The following POLA1 variants were observed in gnomAD, a reference collection of about 807,000 sequenced individuals.
POLA1 encodes DNA polymerase alpha 1, catalytic subunit.
POLA1 carries 15 observed loss-of-function variants against 124.0 expected under a neutral mutation model. The observed-to-expected ratio is 0.12, with a 90% CI of 0.08 to 0.19. The LOEUF is 0.19. Ranked by LOEUF, POLA1 falls within the 10% of genes least tolerant of loss-of-function variation. The probability of loss-of-function intolerance (pLI) is 1.00; values close to 1 mark genes in which losing one functional copy is unlikely to be tolerated. For synonymous variants in POLA1, 408 were observed against 389.4 expected (o/e 1.05, Z -0.56); for missense variants, 886 against 1,103.4 (o/e 0.80, Z 2.79).
chrX:24,707,954 C>T (rs960336423), intron 4 of POLA1, among the ~76,000 whole-genome samples: 2 of 112,113 alleles, frequency 1.8e-5, no homozygotes, highest in African/African-American at 6.5e-5. Flanking sequence ...AAGATCGTGC[C>T]ACTGCACTCC....
At chrX:24,783,196 T>C (rs2148455372) in intron 26 of POLA1, among the ~76,000 whole-genome samples, 1 of 111,588 alleles carries the variant, frequency 9.0e-6, no homozygotes, top group African/African-American at 3.3e-5. Context: ...ATGGTTGTCA[T>C]ATTTTCAGTA....
chrX:24,946,567 G>C (rs977176983), intron 36 of POLA1, among the ~76,000 whole-genome samples: 3 of 111,669 alleles, frequency 2.7e-5, no homozygotes, highest in African/African-American at 9.8e-5. Flanking sequence ...CACATCCTTT[G>C]GCTGGTGTGG....
At chrX:24,730,794 T>A (rs746724588) in intron 15 of POLA1, among the ~76,000 whole-genome samples, 9 of 112,321 alleles carry the variant, frequency 8.0e-5, no homozygotes, top group African/African-American at 2.9e-4. Context: ...TTCATAATGA[T>A]ATTGTCTGCA....
chrX:24,731,214 A>G (rs1158615515), intron 15 of POLA1, among the ~76,000 whole-genome samples: 1 of 111,901 alleles, frequency 8.9e-6, no homozygotes, highest in Non-Finnish European at 1.9e-5. Context: ...AGACAGAAAA[A>G]CAAGTTAAGT....
intron 34 of POLA1, among the ~76,000 whole-genome samples, chrX:24,856,628 C>G (rs1032333037): frequency 9.0e-6 from 1 of 111,103 alleles, no homozygotes; most frequent in Non-Finnish European, 1.9e-5. Context: ...TATGAGAGTT[C>G]CATTTACTGG....
intron 26 of POLA1, among the ~76,000 whole-genome samples, chrX:24,756,421 G>A (rs887899400): frequency 3.9e-4 from 43 of 109,715 alleles, no homozygotes; most frequent in African/African-American, 1.4e-3. Context: ...AAATTAGCCG[G>A]GCGTGGTGGC....
At chrX:24,927,281 A>G (rs2047707942) in intron 35 of POLA1, among the ~76,000 whole-genome samples, 1 of 111,887 alleles carries the variant, frequency 8.9e-6, no homozygotes, top group Non-Finnish European at 1.9e-5. Context: ...GTCATAAAGT[A>G]CTTTGACTTG....
At position 24,748,749 on chromosome X, in the gene POLA1, TC is replaced by T. The variant is rs11573372; in HGVS notation, c.2842-120del. 876 of 736,346 alleles carry T rather than the reference TC, an allele frequency of 1.2e-3. 11 individuals are homozygous for T. In the African/African-American group the frequency reaches 0.017, roughly 15 times the overall value. 60.7% of individuals were successfully genotyped at this position (736,346 alleles called of 1,213,427 possible). On this transcript the variant is annotated intron_variant, in intron 25 of 36. Coordinates refer to ENST00000379068, the MANE Select transcript of POLA1 (RefSeq NM_001330360.2). Reference sequence around the variant, plus strand: ...AGGAGAATGGGTTGAGTATATTAATTCTTTTTTATTCAGGGATATTGAGGGT... The same window carrying T: ...AGGAGAATGGGTTGAGTATATTAATTTTTTTTATTCAGGGATATTGAGGGT...
chrX:24,988,001 G>A (rs1255192939), intron 36 of POLA1, among the ~76,000 whole-genome samples: 1 of 112,074 alleles, frequency 8.9e-6, no homozygotes, highest in African/African-American at 3.2e-5. Flanking sequence ...CCACAGCATA[G>A]GCTGTGAGAA....
At chrX:24,708,587 C>T (rs1928985404) in intron 4 of POLA1, among the ~76,000 whole-genome samples, 2 of 55,605 alleles carry the variant, frequency 3.6e-5, no homozygotes, top group Non-Finnish European at 6.6e-5. Flanking sequence ...GGTGATGACT[C>T]TTAACGAGCA....
intron 36 of POLA1, among the ~76,000 whole-genome samples, chrX:24,979,350 A>T (rs2048398024): frequency 8.9e-6 from 1 of 112,083 alleles, no homozygotes; most frequent in Non-Finnish European, 1.9e-5. Flanking sequence ...TCCAAGATCC[A>T]CTTAAGACAT....
At position 24,741,872 on chromosome X, in the gene POLA1, T is replaced by TA. The variant is rs1569291479; in HGVS notation, c.2347-130_2347-129insA. 7.2e-5 allele frequency: 34 copies of TA among 474,237 alleles called. No homozygotes were observed. In the African/African-American group the frequency reaches 7.2e-4, roughly 10 times the overall value. 39.1% of individuals were successfully genotyped at this position (474,237 alleles called of 1,213,427 possible). A position where few individuals can be genotyped will look rare whatever the true frequency, so the allele number is the denominator to read the frequency against. On this transcript the variant is annotated intron_variant, in intron 21 of 36. Coordinates refer to ENST00000379068, the MANE Select transcript of POLA1 (RefSeq NM_001330360.2). Reference sequence around the variant, plus strand: ...GAATAATTTAGTACCTTTTTTTTTTTTAAAAAAAAAGCAGACCGTTATTAG... The same window carrying TA: ...GAATAATTTAGTACCTTTTTTTTTTTATAAAAAAAAAGCAGACCGTTATTAG...
At chrX:24,905,926 C>T (rs191391826) in intron 35 of POLA1, among the ~76,000 whole-genome samples, 35 of 111,685 alleles carry the variant, frequency 3.1e-4, no homozygotes, top group African/African-American at 1.0e-3. Context: ...TGTAAATTAT[C>T]GGGGAAATGC....
chrX:24,884,419 G>A (rs2047040528), intron 34 of POLA1, among the ~76,000 whole-genome samples: 1 of 112,093 alleles, frequency 8.9e-6, no homozygotes. Flanking sequence ...AAAGTGCTGG[G>A]ATTACAGGCA....
rs749521302 is a variant in POLA1 at position 24,771,473 on chromosome X, C to T, written c.2964+22481C>T. ...TCAGTGCTTTTTTTCAGGGCAAAAA[C>T]AGCAGGGTCATCGAGTCATAACTCT... On this transcript the variant is annotated intron_variant, in intron 26 of 36. Transcript: ENST00000379068. Among the ~76,000 whole-genome samples the T allele has an allele frequency of 3.6e-4, 40 of 111,452 alleles. No homozygotes were observed. In the Admixed American group the frequency reaches 3.6e-3, roughly 10 times the overall value.
chrX:24,987,509 A>G (rs933052060), intron 36 of POLA1, among the ~76,000 whole-genome samples: 4 of 112,473 alleles, frequency 3.6e-5, no homozygotes, highest in African/African-American at 1.3e-4. Context: ...GTAGCAGGTT[A>G]TCCACAGATA....
intron 35 of POLA1, among the ~76,000 whole-genome samples, chrX:24,918,989 C>G (rs1221771134): frequency 8.9e-6 from 1 of 111,873 alleles, no homozygotes; most frequent in Non-Finnish European, 1.9e-5. Flanking sequence ...TAGGTCCTTC[C>G]TCCAACATTG....
intron 35 of POLA1, among the ~76,000 whole-genome samples, chrX:24,913,143 G>T (rs915771740): frequency 2.7e-5 from 3 of 112,085 alleles, no homozygotes; most frequent in African/African-American, 9.7e-5. Context: ...TCCTACCATG[G>T]AATATTGCTC....
intron 26 of POLA1, among the ~76,000 whole-genome samples, chrX:24,757,817 T>A (rs1932689763): frequency 9.0e-6 from 1 of 111,519 alleles, no homozygotes; most frequent in Non-Finnish European, 1.9e-5. Context: ...GATTTTTGAA[T>A]TAGGGATGCT....
Sources: gnomAD v4.1 joint callset for allele counts (sites outside exome capture counted in the v4.1 genomes callset) on GRCh38, gnomAD v4.1.1 for gene constraint, MANE v1.5 for transcripts, NCBI Gene and HGNC (gene_info 2026-07-23, HGNC 2026-07-21) for gene names.